Variants in RBFOX1 observed in about 807,000 individuals in gnomAD.
The protein encoded by RBFOX1 is RNA binding fox-1 homolog 1.
A neutral mutation model predicts 57.7 loss-of-function variants in RBFOX1; 8 were observed. That is an observed-to-expected ratio of 0.14 (90% CI 0.08 to 0.25). RBFOX1 has a LOEUF of 0.25. RBFOX1 is among the 10% of genes least tolerant of loss of function. The pLI, the probability that RBFOX1 is intolerant of heterozygous loss-of-function variation, is 1.00. For synonymous variants in RBFOX1, 326 were observed against 222.4 expected (o/e 1.47, Z -4.15); for missense variants, 611 against 548.5 (o/e 1.11, Z -1.14).
intron 3 of RBFOX1, among the ~76,000 whole-genome samples, chr16:5,803,948 T>C (rs1052691691): frequency 6.6e-6 from 1 of 152,214 alleles, no homozygotes; most frequent in Admixed American, 6.5e-5. Flanking sequence ...TCCCAATTCA[T>C]GCCCTTCCCT....
chr16:7,311,845 T>C (rs534793951), intron 4 of RBFOX1, among the ~76,000 whole-genome samples: 10 of 152,236 alleles, frequency 6.6e-5, no homozygotes, highest in Non-Finnish European at 1.3e-4. Context: ...TGAAGTTATA[T>C]GTAGGACAGA....
At chr16:6,569,739 CATTCTCT>C (rs2097318252) in intron 2 of RBFOX1, among the ~76,000 whole-genome samples, 1 of 152,202 alleles carries the variant, frequency 6.6e-6, no homozygotes, top group African/African-American at 2.4e-5. Context: ...ATTCTCCCTT[CATTCTCT>C]AGAGAAAACC....
intron 4 of RBFOX1, among the ~76,000 whole-genome samples, chr16:7,088,707 G>A (rs760924620): frequency 6.6e-6 from 1 of 152,162 alleles, no homozygotes; most frequent in Admixed American, 6.5e-5. Context: ...ATATATCCTA[G>A]TGTAGTTTAG....
intron 1 of RBFOX1, among the ~76,000 whole-genome samples, chr16:5,426,440 T>C (rs1201103662): frequency 6.6e-6 from 1 of 152,188 alleles, no homozygotes; most frequent in Admixed American, 6.5e-5. Flanking sequence ...TACCCAGCGT[T>C]TGCAGCCACC....
chr16:6,702,788 C>T (rs1054283539), intron 3 of RBFOX1, among the ~76,000 whole-genome samples: 1 of 152,058 alleles, frequency 6.6e-6, no homozygotes, highest in South Asian at 2.1e-4. Context: ...ATAAAATGTA[C>T]CACCTTAGCC....
At chr16:6,964,889 C>A (rs2083770211) in intron 3 of RBFOX1, among the ~76,000 whole-genome samples, 2 of 152,184 alleles carry the variant, frequency 1.3e-5, no homozygotes. Flanking sequence ...CACTCCTTAA[C>A]CTCCTCCCTG....
At chr16:5,576,094 C>G (rs139594315) in intron 2 of RBFOX1, among the ~76,000 whole-genome samples, 2 of 152,198 alleles carry the variant, frequency 1.3e-5, no homozygotes, top group African/African-American at 4.8e-5. Context: ...TCAAGCAATT[C>G]TGCCTCTGCC....
At chr16:5,564,846 G>T (rs1019817031) in intron 2 of RBFOX1, among the ~76,000 whole-genome samples, 2 of 152,138 alleles carry the variant, frequency 1.3e-5, no homozygotes, top group Non-Finnish European at 2.9e-5. Flanking sequence ...CATCATCGTG[G>T]CTGGGCATCT....
At chr16:6,626,227 G>T (rs1380254687) in intron 2 of RBFOX1, among the ~76,000 whole-genome samples, 1 of 149,274 alleles carries the variant, frequency 6.7e-6, no homozygotes, top group Non-Finnish European at 1.5e-5. Flanking sequence ...TATGCCCTCT[G>T]ATTTTGTGTC....
At chr16:6,461,810 A>G (rs1464357095) in intron 2 of RBFOX1, among the ~76,000 whole-genome samples, 1 of 152,176 alleles carries the variant, frequency 6.6e-6, no homozygotes, top group Non-Finnish European at 1.5e-5. Flanking sequence ...GGACAGTAAT[A>G]TCATCCAATA....
chr16:7,174,777 C>A (rs373340016), intron 4 of RBFOX1, among the ~76,000 whole-genome samples: 1 of 152,176 alleles, frequency 6.6e-6, no homozygotes, highest in African/African-American at 2.4e-5. Flanking sequence ...GAGACTCAGT[C>A]TCAAAACAAA....
At chr16:6,817,769 A>G (rs940244044) in intron 3 of RBFOX1, among the ~76,000 whole-genome samples, 1 of 152,134 alleles carries the variant, frequency 6.6e-6, no homozygotes, top group Non-Finnish European at 1.5e-5. Context: ...TGTTAAGTAC[A>G]TCTGTTAAAC....
intron 2 of RBFOX1, among the ~76,000 whole-genome samples, chr16:5,505,246 C>G (rs779160434): frequency 8.5e-5 from 13 of 152,204 alleles, no homozygotes; most frequent in Non-Finnish European, 1.8e-4. Flanking sequence ...ATTTCCACCT[C>G]TGTGCTTAAC....
Position 7,373,337 on chromosome 16 carries a change from T to C in RBFOX1, c.28-144810T>C, listed in dbSNP as rs528311749. On this transcript the variant is annotated intron_variant, in intron 4 of 15. Transcript: ENST00000550418. ...AACATAAAGATCACAATACATGTTA[T>C]AGTAAAGACAGTCTTTTGAAGCAAA... Among the ~76,000 whole-genome samples, 6 of 152,292 alleles carry C rather than the reference T, an allele frequency of 3.9e-5. No individual in the cohort carries two copies. In the South Asian group the frequency reaches 6.2e-4, roughly 16 times the overall value.
chr16:7,024,052 T>G (rs1244033929), intron 3 of RBFOX1, among the ~76,000 whole-genome samples: 1 of 152,160 alleles, frequency 6.6e-6, no homozygotes, highest in Admixed American at 6.5e-5. Context: ...AGGAAGGTCA[T>G]AAAACCAGGG....
rs764418308 is a variant in RBFOX1, at chr16:6,438,941, A to C, written c.-64+121884A>C. Reference sequence around the variant, plus strand: ...TCATAATATGGACAGTTGATGATTTAGTGTATGACATCTTCCTTTTGCATT... The same window carrying C: ...TCATAATATGGACAGTTGATGATTTCGTGTATGACATCTTCCTTTTGCATT... On this transcript the variant is annotated intron_variant, in intron 2 of 15. Transcript: ENST00000550418. Among the ~76,000 whole-genome samples the C allele has an allele frequency of 1.3e-5, 2 of 152,196 alleles. 1 individual carries two copies. Among genetic ancestry groups the C allele is most frequent in the Non-Finnish European group, 2.9e-5 (2 of 68,046 alleles).
chr16:6,900,252 A>G (rs118040950), intron 3 of RBFOX1, among the ~76,000 whole-genome samples: 1,883 of 152,330 alleles, frequency 0.012, 21 homozygotes, highest in Non-Finnish European at 0.02. Flanking sequence ...ACATCCCATC[A>G]TAATATTCAA....
At chr16:7,153,240 G>C (rs2076429933) in intron 4 of RBFOX1, among the ~76,000 whole-genome samples, 1 of 151,916 alleles carries the variant, frequency 6.6e-6, no homozygotes, top group African/African-American at 2.4e-5. Flanking sequence ...GTCTGGTAAT[G>C]TCTCTATCAA....
downstream of RBFOX1, among the ~76,000 whole-genome samples, chr16:5,603,393 TG>T (rs1321093802): frequency 6.6e-6 from 1 of 151,998 alleles, no homozygotes; most frequent in East Asian, 1.9e-4. Flanking sequence ...TCATAGCTAA[TG>T]GGGAAGCAGT....
Sources: allele counts gnomAD v4.1 joint callset (sites outside exome capture counted in the v4.1 genomes callset), GRCh38; gene constraint gnomAD v4.1.1; transcripts MANE v1.5; gene names NCBI Gene and HGNC (gene_info 2026-07-23, HGNC 2026-07-21).